The following ANKS1B variants were observed in gnomAD, a reference collection of about 807,000 sequenced individuals.
ANKS1B encodes ankyrin repeat and sterile alpha motif domain-containing protein 1B.
Under a neutral mutation model 148.3 loss-of-function variants are expected in ANKS1B, and 36 were observed. The observed-to-expected ratio is 0.24, with a 90% CI of 0.19 to 0.32. ANKS1B has a LOEUF of 0.32. Ranked by LOEUF, ANKS1B falls within the 10% of genes least tolerant of loss-of-function variation. The pLI is 1.00. For missense variants in ANKS1B, 1,157 were observed against 1,542.6 expected (o/e 0.75, Z 4.19); for synonymous variants, 542 against 560.8 (o/e 0.97, Z 0.47).
At chr12:99,070,189 T>C (rs1377059239) in intron 16 of ANKS1B, among the ~76,000 whole-genome samples, 2 of 152,122 alleles carry the variant, frequency 1.3e-5, no homozygotes, top group South Asian at 2.1e-4. Context: ...ATTCTTTAGA[T>C]AGAGTTCACT....
chr12:99,523,831 C>T (rs968739953), intron 9 of ANKS1B, among the ~76,000 whole-genome samples: 2 of 152,230 alleles, frequency 1.3e-5, no homozygotes, highest in Middle Eastern at 3.4e-3. Context: ...GGACTACAGG[C>T]GTGAGCCACC....
chr12:99,226,144 C>A (rs952616943), intron 14 of ANKS1B, among the ~76,000 whole-genome samples: 6 of 152,014 alleles, frequency 3.9e-5, no homozygotes, highest in Non-Finnish European at 7.4e-5. Flanking sequence ...GCATTTAGTC[C>A]ATTGAAAGAA....
At chr12:98,861,696 T>G (rs2152177255) in intron 17 of ANKS1B, among the ~76,000 whole-genome samples, 1 of 152,356 alleles carries the variant, frequency 6.6e-6, no homozygotes, top group African/African-American at 2.4e-5. Flanking sequence ...TAATTTCTAG[T>G]CTGAAGATAT....
intron 14 of ANKS1B, among the ~76,000 whole-genome samples, chr12:99,234,222 A>T (rs966719359): frequency 6.6e-6 from 1 of 152,098 alleles, no homozygotes; most frequent in Non-Finnish European, 1.5e-5. Context: ...CCTCCCATTA[A>T]TTTCATTGCC....
Position 99,348,495 on chromosome 12 carries a change from A to T in ANKS1B, c.1756+51136T>A, listed in dbSNP as rs1014057409. Among the ~76,000 whole-genome samples, 7 of 151,968 alleles carry T rather than the reference A, an allele frequency of 4.6e-5. 1 individual carries two copies. Among genetic ancestry groups the T allele is most frequent in the African/African-American group, 1.7e-4 (7 of 41,528 alleles). On this transcript the variant is annotated intron_variant, in intron 12 of 26. Coordinates refer to ENST00000683438, the MANE Select transcript of ANKS1B (RefSeq NM_001352186.2). ...AGTAAGATAAACTCCAACAGATCTA[A>T]ACTGACATATTATAATCAAACCATC...
intron 8 of ANKS1B, among the ~76,000 whole-genome samples, chr12:99,758,889 G>A (rs1242231786): frequency 6.6e-6 from 1 of 151,888 alleles, no homozygotes; most frequent in East Asian, 1.9e-4. Context: ...TAGGATTAGA[G>A]ATTCAAGGGC....
intron 11 of ANKS1B, among the ~76,000 whole-genome samples, chr12:99,409,775 CATTT>C (rs2094630520): frequency 6.7e-6 from 1 of 149,014 alleles, no homozygotes; most frequent in South Asian, 2.2e-4. Context: ...CTAGAATATT[CATTT>C]AAACATGTTT....
chr12:99,512,926 A>G (rs1174361739), intron 9 of ANKS1B, among the ~76,000 whole-genome samples: 1 of 151,942 alleles, frequency 6.6e-6, no homozygotes, highest in African/African-American at 2.4e-5. Flanking sequence ...AGACCGTCAG[A>G]AAGAATAGCT....
At chr12:99,334,573 C>T (rs1012233259) in intron 12 of ANKS1B, among the ~76,000 whole-genome samples, 12 of 152,030 alleles carry the variant, frequency 7.9e-5, no homozygotes, top group African/African-American at 2.2e-4. Flanking sequence ...TGCCCAGTTC[C>T]AAATGCACAC....
chr12:99,140,694 C>T (rs76726848), intron 15 of ANKS1B, among the ~76,000 whole-genome samples: 1 of 152,102 alleles, frequency 6.6e-6, no homozygotes, highest in African/African-American at 2.4e-5. Flanking sequence ...AGGTAAAGAA[C>T]CATGGAAGCA....
intron 9 of ANKS1B, among the ~76,000 whole-genome samples, chr12:99,646,026 T>TA (rs34337860): frequency 0.05 from 6,552 of 131,794 alleles, 285 homozygotes; most frequent in East Asian, 0.13. Flanking sequence ...AGAAAATCAG[T>TA]AAAAAAAAAA....
intron 17 of ANKS1B, among the ~76,000 whole-genome samples, chr12:98,875,215 C>T (rs1051350398): frequency 1.3e-5 from 2 of 152,184 alleles, no homozygotes; most frequent in Non-Finnish European, 2.9e-5. Flanking sequence ...TAATTTGGTT[C>T]CAGCCCTCAT....
intron 17 of ANKS1B, among the ~76,000 whole-genome samples, chr12:98,846,871 C>A (rs1470768019): frequency 6.6e-6 from 1 of 152,210 alleles, no homozygotes; most frequent in East Asian, 1.9e-4. Flanking sequence ...GATCCATAAA[C>A]AAAAGTCTAC....
chr12:99,855,346 C>T (rs1300152277), intron 1 of ANKS1B, among the ~76,000 whole-genome samples: 1 of 151,896 alleles, frequency 6.6e-6, no homozygotes, highest in Non-Finnish European at 1.5e-5. Flanking sequence ...AAGAACTAGT[C>T]CAACAGGAAA....
At chr12:99,697,488 A>G (rs1192770755) in intron 8 of ANKS1B, among the ~76,000 whole-genome samples, 3 of 152,166 alleles carry the variant, frequency 2.0e-5, no homozygotes, top group Admixed American at 2.0e-4. Context: ...CAGTCTGAAA[A>G]GGCTACTTAC....
At position 99,443,779 on chromosome 12, in the gene ANKS1B, G is replaced by A. The variant is rs376865578; in HGVS notation, c.1469C>T (p.Pro490Leu). ...DNASEVAVTT[P>L]GTSNHRNSST... ...GCTGTTTCTATGGTTACTAGTTCCTGGAGTAGTAACTGCTACCTCAGAGGC... is the reference window on the plus strand; with the variant it reads ...GCTGTTTCTATGGTTACTAGTTCCTAGAGTAGTAACTGCTACCTCAGAGGC... The change falls in exon 11 of 27, where the codon CCA becomes CTA. Residue 490 changes from proline (P) to leucine (L), a missense_variant. This residue lies in a region of ANKS1B where 661 missense variants were observed against 642.1 expected (regional missense o/e 1.03). Coordinates refer to ENST00000683438, the MANE Select transcript of ANKS1B (RefSeq NM_001352186.2). The A allele has an allele frequency of 8.1e-6, 13 of 1,610,964 alleles. No individual in the cohort carries two copies. Among genetic ancestry groups the A allele is most frequent in the Non-Finnish European group, 1.0e-5 (12 of 1,178,194 alleles).
At chr12:99,364,573 C>T (rs1190737253) in intron 12 of ANKS1B, among the ~76,000 whole-genome samples, 2 of 152,186 alleles carry the variant, frequency 1.3e-5, no homozygotes, top group African/African-American at 4.8e-5. Context: ...CATGACACTG[C>T]ATCATCTATC....
intron 19 of ANKS1B, among the ~76,000 whole-genome samples, chr12:98,815,334 T>C (rs907612486): frequency 6.6e-6 from 1 of 152,186 alleles, no homozygotes; most frequent in Non-Finnish European, 1.5e-5. Flanking sequence ...ACTGAAACAA[T>C]TTTCTATTTT....
At chr12:99,009,614 G>A (rs1185434348) in intron 17 of ANKS1B, among the ~76,000 whole-genome samples, 1 of 152,114 alleles carries the variant, frequency 6.6e-6, no homozygotes, top group Non-Finnish European at 1.5e-5. Context: ...TCCTTTCCCT[G>A]TTTCCTAGTA....
Sources: allele counts gnomAD v4.1 joint callset (sites outside exome capture counted in the v4.1 genomes callset), GRCh38; gene constraint gnomAD v4.1.1; regional missense constraint gnomAD v4.1.1; transcripts MANE v1.5; gene names NCBI Gene and HGNC (gene_info 2026-07-23, HGNC 2026-07-21).